The following USH2A variants were observed in gnomAD, a reference collection of about 807,000 sequenced individuals.
USH2A encodes the protein Usher syndrome 2A (autosomal recessive, mild).
A neutral mutation model predicts 538.9 loss-of-function variants in USH2A; 443 were observed. That is an observed-to-expected ratio of 0.82 (90% CI 0.76 to 0.89). USH2A has a LOEUF of 0.89. Ranked by LOEUF, USH2A falls within the 40% of genes least tolerant of loss-of-function variation. The pLI is 0.00. For synonymous variants in USH2A, 2,413 were observed against 2,273.5 expected, an observed-to-expected ratio of 1.06 and a Z score of -1.75; for missense variants, 6,633 against 6,324.8, an observed-to-expected ratio of 1.05 and a Z score of -1.65.
At chr1:215,920,811 G>A (rs927993050) in intron 38 of USH2A, among the ~76,000 whole-genome samples, 5 of 152,012 alleles carry the variant, frequency 3.3e-5, no homozygotes, top group Admixed American at 6.6e-5. Context: ...TTTTTCCTGT[G>A]ATCATGCCCT....
rs570407581 is a variant in USH2A at position 216,104,539 on chromosome 1, T to A, written c.4628-7326A>T. Among the ~76,000 whole-genome samples, 7 of 152,264 alleles carry A rather than the reference T, an allele frequency of 4.6e-5. No homozygotes were observed. The South Asian group carries it at 1.5e-3, about 32-fold the overall frequency. On this transcript the variant is annotated intron_variant, in intron 21 of 71. Coordinates refer to ENST00000307340, the MANE Select transcript of USH2A (RefSeq NM_206933.4). ...CCACATATGTACAACCATCTGATCT[T>A]TGACAAACCTGACGAAAATAAGAAA...
In USH2A at chr1:216,013,215, T is replaced by C. The variant is rs566839403; in HGVS notation, c.6326-12653A>G. ...TTCATACAAAACTGTATCCAGGCCA[T>C]CACCAATAATTCTAAATGACAAATG... is the stretch of plus-strand genomic sequence containing the variant. On this transcript the variant is annotated intron_variant, in intron 32 of 71. Transcript: ENST00000307340. Among the ~76,000 whole-genome samples, 14 of 151,562 alleles carry C rather than the reference T, an allele frequency of 9.2e-5. No individual in the cohort carries two copies. The South Asian group carries it at 2.7e-3, about 30-fold the overall frequency.
rs539835553 is a variant in USH2A at position 216,141,929 on chromosome 1, C to T, written c.4627+33323G>A. Among the ~76,000 whole-genome samples the T allele has an allele frequency of 5.6e-4, 83 of 149,290 alleles. 1 individual carries two copies. Among genetic ancestry groups the T allele is most frequent in the African/African-American group, 2.0e-3 (81 of 40,380 alleles). The stretch of plus-strand genomic sequence containing the variant: ...GCTTCAACAAAGACATTGGCCTTGA[C>T]CTCAGGAATCTGAAATTAGGAAATG... On this transcript the variant is annotated intron_variant, in intron 21 of 71. Coordinates refer to ENST00000307340, the MANE Select transcript of USH2A (RefSeq NM_206933.4).
At chr1:215,752,681 A>T (rs1327326310) in intron 58 of USH2A, among the ~76,000 whole-genome samples, 1 of 152,192 alleles carries the variant, frequency 6.6e-6, no homozygotes, top group Non-Finnish European at 1.5e-5. Context: ...CACCACTTCC[A>T]CAAATAATTC....
In USH2A at chr1:215,728,645, G is replaced by T. The variant is rs10864191; in HGVS notation, c.11712-261C>A. On this transcript the variant is annotated intron_variant, in intron 60 of 71. Transcript: ENST00000307340. ...TATAAAAGAGTGCATATGCTTTGTA[G>T]AAAACATGGAAAACACAGAAGAAAT... Among the ~76,000 whole-genome samples the T allele has an allele frequency of 0.63, 95,148 of 151,556 alleles. 32,653 individuals carry two copies. The highest frequency in any genetic ancestry group is 0.78 in the Non-Finnish European group (53,138 of 67,970).
intron 41 of USH2A, among the ~76,000 whole-genome samples, chr1:215,883,130 A>G (rs1664959380): frequency 6.6e-6 from 1 of 152,100 alleles, no homozygotes; most frequent in Admixed American, 6.5e-5. Flanking sequence ...CCTTGACTTT[A>G]TGTGAGGTAT....
chr1:216,037,991 A>G (rs1474628826), intron 32 of USH2A, among the ~76,000 whole-genome samples: 4 of 151,810 alleles, frequency 2.6e-5, no homozygotes, highest in African/African-American at 9.7e-5. Context: ...CTCAACTTTA[A>G]TTTTTCAGTC....
Position 215,625,696 on chromosome 1 carries a change from G to C in USH2A, c.*85C>G. 1 of 1,248,422 alleles carries C rather than the reference G, an allele frequency of 8.0e-7. No individual in the cohort carries two copies. Among genetic ancestry groups the C allele is most frequent in the Non-Finnish European group, 1.2e-6 (1 of 848,592 alleles). The allele number at this position is 1,248,422 out of a possible 1,614,324, so 77.3% of individuals were successfully genotyped here. A position where few individuals can be genotyped will look rare whatever the true frequency, so the allele number is the denominator to read the frequency against. On this transcript the variant is annotated 3_prime_UTR_variant, in exon 72 of 72. Transcript: ENST00000307340. ...TAGGATAATAAACAATGGCTTTTCA[G>C]CATTTATGATGTGTGAGTGATAACC...
At chr1:215,861,152 C>T (rs1019241690) in intron 44 of USH2A, among the ~76,000 whole-genome samples, 1 of 152,138 alleles carries the variant, frequency 6.6e-6, no homozygotes, top group Admixed American at 6.5e-5. Context: ...TCTAGTTTAC[C>T]CATCTGTCAA....
chr1:215,896,409 T>A (rs1665342205), intron 40 of USH2A, among the ~76,000 whole-genome samples: 2 of 152,182 alleles, frequency 1.3e-5, no homozygotes, highest in Admixed American at 1.3e-4. Flanking sequence ...TTAAAATGAC[T>A]GAAATTAGAT....
At chr1:215,715,508 G>GT (rs1659458094) in intron 61 of USH2A, among the ~76,000 whole-genome samples, 1 of 152,172 alleles carries the variant, frequency 6.6e-6, no homozygotes, top group South Asian at 2.1e-4. Flanking sequence ...AAACACTGCT[G>GT]TTGGGACACA....
chr1:216,362,416 GA>G (rs1420029215), intron 4 of USH2A, among the ~76,000 whole-genome samples: 1 of 151,526 alleles, frequency 6.6e-6, no homozygotes. Flanking sequence ...TGTCAAGGGT[GA>G]AAAAAAAGTG....
chr1:216,132,723 C>A (rs757895447), intron 21 of USH2A, among the ~76,000 whole-genome samples: 26 of 152,068 alleles, frequency 1.7e-4, no homozygotes, highest in Non-Finnish European at 3.8e-4. Flanking sequence ...TGCAACCCTG[C>A]ACTATATGAA....
Position 216,029,754 on chromosome 1 carries a change from G to A in USH2A, c.6325+16677C>T, listed in dbSNP as rs577664032. On this transcript the variant is annotated intron_variant, in intron 32 of 71. Transcript: ENST00000307340. ...TGAATATGTACAAATGAATAAGATAGGGCACTTAAACTATCTAGACTTCAG... is the reference window on the plus strand; with the variant it reads ...TGAATATGTACAAATGAATAAGATAAGGCACTTAAACTATCTAGACTTCAG... Among the ~76,000 whole-genome samples, 191 of 151,726 alleles carry A rather than the reference G, an allele frequency of 1.3e-3. No individual in the cohort carries two copies. The Middle Eastern group carries it at 0.017, about 14-fold the overall frequency.
At chr1:216,362,719 G>C (rs944885677) in intron 4 of USH2A, among the ~76,000 whole-genome samples, 4 of 151,842 alleles carry the variant, frequency 2.6e-5, no homozygotes, top group African/African-American at 9.7e-5. Context: ...AAGGTGGGTG[G>C]ATCACCTGAG....
At chr1:215,734,536 G>A (rs1441773283) in intron 60 of USH2A, among the ~76,000 whole-genome samples, 1 of 152,158 alleles carries the variant, frequency 6.6e-6, no homozygotes, top group East Asian at 1.9e-4. Flanking sequence ...GGGCCAGGCT[G>A]CAAATTTTCT....
intron 21 of USH2A, among the ~76,000 whole-genome samples, chr1:216,168,998 G>C (rs919879301): frequency 1.3e-5 from 2 of 152,014 alleles, no homozygotes; most frequent in Admixed American, 1.3e-4. Context: ...TAAAACTCAA[G>C]TTTCCCATAC....
chr1:215,887,673 G>C (rs1438790617), intron 41 of USH2A, among the ~76,000 whole-genome samples: 1 of 152,200 alleles, frequency 6.6e-6, no homozygotes, highest in African/African-American at 2.4e-5. Context: ...TGGTGGGGGA[G>C]AGAGAACACA....
At chr1:216,094,007 A>G (rs1294327064) in intron 22 of USH2A, among the ~76,000 whole-genome samples, 1 of 152,238 alleles carries the variant, frequency 6.6e-6, no homozygotes, top group East Asian at 1.9e-4. Flanking sequence ...GATCATTAAC[A>G]GGAACTCACT....
Sources: allele counts gnomAD v4.1 joint callset (sites outside exome capture counted in the v4.1 genomes callset), GRCh38; gene constraint gnomAD v4.1.1; transcripts MANE v1.5; gene names NCBI Gene and HGNC (gene_info 2026-07-23, HGNC 2026-07-21).